The following RCBTB2 variants were observed in gnomAD, a reference collection of about 807,000 sequenced individuals.
The protein encoded by RCBTB2 is RCC1 and BTB domain containing protein 2, also known as RCC1 and BTB domain-containing protein 2.
In RCBTB2, 55 loss-of-function variants were observed where a neutral mutation model predicts 65.4. The ratio of observed to expected loss-of-function variants is 0.84; its 90% CI spans 0.68 to 1.05. RCBTB2 has a LOEUF of 1.05. RCBTB2 is among the 50% of genes least tolerant of loss of function. The pLI is 0.00. For missense variants in RCBTB2, 599 were observed against 680.1 expected (o/e 0.88, Z 1.33); for synonymous variants, 220 against 255.2 (o/e 0.86, Z 1.31).
upstream of RCBTB2, among the ~76,000 whole-genome samples, chr13:48,534,361 G>C (rs1414251076): frequency 6.6e-6 from 1 of 152,052 alleles, no homozygotes; most frequent in Non-Finnish European, 1.5e-5. Flanking sequence ...GTGCCAAGAG[G>C]TTTATCTTAT....
intron 1 of RCBTB2, among the ~76,000 whole-genome samples, chr13:48,527,332 T>TATGATATATATATATATATATATC (rs1555310618): frequency 7.7e-6 from 1 of 130,458 alleles, no homozygotes; most frequent in African/African-American, 4.0e-5. Flanking sequence ...TATATATATA[T>TATGATATATATATATATATATATC]ATATGATATA....
In RCBTB2 at chr13:48,520,821, C is replaced by G. The variant is rs9331971; in HGVS notation, c.42+1077G>C. On this transcript the variant is annotated intron_variant, in intron 4 of 14. Transcript: ENST00000344532. The stretch of plus-strand genomic sequence containing the variant: ...GTATATTTAAAGAGAATCAAAATTA[C>G]GTTAGGCATACCTAGCAAAAAAGAG... Among the ~76,000 whole-genome samples the G allele has an allele frequency of 1.8e-3, 270 of 151,074 alleles. 1 individual carries two copies. The highest frequency in any genetic ancestry group is 6.2e-3 in the African/African-American group (256 of 41,414).
intron 10 of RCBTB2, chr13:48,504,535 C>T (rs9332036): frequency 0.067 from 10,600 of 158,652 alleles, 882 homozygotes; most frequent in African/African-American, 0.19. Flanking sequence ...CTCCCGCTCA[C>T]CTGAGCTCCT....
intron 14 of RCBTB2, chr13:48,492,620 T>G (rs1949744558): frequency 6.6e-6 from 1 of 152,352 alleles, no homozygotes; most frequent in Non-Finnish European, 1.5e-5. Context: ...ACTCGTCAGT[T>G]CTCAGTCCTC....
rs1950735299 is a variant in RCBTB2 at position 48,510,685 on chromosome 13, G to T, written c.870C>A (p.Gly290=). Residue 290 remains glycine, a synonymous_variant, in exon 10 of 15, where the codon GGC becomes GGA. Transcript: ENST00000344532. ...AWGANSYGQL[G]TGNKSNQSYP... is the part of the protein sequence containing the mutation. Reference sequence around the variant, plus strand: ...AGGACTGGTTGCTTTTATTGCCAGTGCCCAACTGCCCATAAGAATTGGCGC... The same window carrying T: ...AGGACTGGTTGCTTTTATTGCCAGTTCCCAACTGCCCATAAGAATTGGCGC... The T allele has an allele frequency of 6.2e-7, 1 of 1,613,984 alleles. No homozygotes were observed. Among genetic ancestry groups the T allele is most frequent in the South Asian group, 1.1e-5 (1 of 91,080 alleles).
chr13:48,514,845 C>G (rs1950994199), intron 6 of RCBTB2, among the ~76,000 whole-genome samples: 2 of 151,646 alleles, frequency 1.3e-5, no homozygotes. Flanking sequence ...CCATCAGTCA[C>G]TCTTTAGTGT....
chr13:48,522,005 G>A (rs1021702292), intron 3 of RCBTB2, 43 bp from the exon 4 acceptor site: 29 of 1,534,192 alleles, frequency 1.9e-5, no homozygotes, highest in African/African-American at 4.1e-5. Context: ...CCTTATGTTC[G>A]ATGGAACCAG....
intron 14 of RCBTB2, among the ~76,000 whole-genome samples, chr13:48,495,604 G>A (rs1052100997): frequency 6.6e-6 from 1 of 152,144 alleles, no homozygotes; most frequent in African/African-American, 2.4e-5. Context: ...TGAATTCCTT[G>A]AAGAATTATG....
chr13:48,512,162 C>G lies in RCBTB2; in HGVS notation c.529G>C (p.Gly177Arg), dbSNP rs1302739667. 6.2e-7 allele frequency: 1 copy of G among 1,613,156 alleles called. No individual in the cohort carries two copies. Among genetic ancestry groups the G allele is most frequent in the African/African-American group, 1.3e-5 (1 of 74,994 alleles). ...CCTACCTGCCCAGAGTTATTATAAC[C>G]CCAGGCAAATACCTGTTTAAAGGAA... The part of the protein sequence containing the change: ...LTSDGEVFAW[G>R]YNNSGQVGSG... Residue 177 changes from glycine (G) to arginine (R), a missense_variant, in exon 8 of 15, where the codon GGT (glycine) becomes CGT (arginine). Gly to Arg is a moderately radical substitution (Grantham distance 125). Transcript: ENST00000344532.
At chr13:48,529,295 T>TA (rs1200172990) in intron 1 of RCBTB2, among the ~76,000 whole-genome samples, 2 of 152,202 alleles carry the variant, frequency 1.3e-5, no homozygotes, top group African/African-American at 4.8e-5. Flanking sequence ...TCCTAATTGT[T>TA]AAAGATCTTT....
At chr13:48,512,942 A>C (rs1260966504) in intron 6 of RCBTB2, 47 bp from the exon 7 acceptor site, 3 of 1,498,890 alleles carry the variant, frequency 2.0e-6, no homozygotes, top group Non-Finnish European at 2.7e-6. Flanking sequence ...CATCTACTTC[A>C]TTATACGAAA....
chr13:48,533,624 G>A (rs1226513275), upstream of RCBTB2, among the ~76,000 whole-genome samples: 1 of 152,152 alleles, frequency 6.6e-6, no homozygotes, highest in African/African-American at 2.4e-5. Context: ...GGGGTTCAGG[G>A]GGATGACCTC....
chr13:48,519,495 TA>T (rs1951297987), intron 4 of RCBTB2, among the ~76,000 whole-genome samples: 1 of 152,196 alleles, frequency 6.6e-6, no homozygotes, highest in African/African-American at 2.4e-5. Flanking sequence ...CCCACCTGTA[TA>T]AAAACCTATG....
At chr13:48,503,007 C>A in intron 10 of RCBTB2, 93 bp from the exon 11 acceptor site, 1 of 1,298,994 alleles carries the variant, frequency 7.7e-7, no homozygotes, top group South Asian at 1.7e-5. Flanking sequence ...TGTGGGACAT[C>A]ATAAAATTAC....
intron 1 of RCBTB2, among the ~76,000 whole-genome samples, chr13:48,525,595 A>G (rs1218115706): frequency 2.0e-5 from 3 of 151,716 alleles, no homozygotes; most frequent in Non-Finnish European, 4.4e-5. Context: ...TCAGCCCACT[A>G]ATTTCCAGAT....
upstream of RCBTB2, chr13:48,535,640 C>T: frequency 2.2e-6 from 1 of 456,522 alleles, no homozygotes; most frequent in Non-Finnish European, 4.4e-6. Context: ...TCACCAATGA[C>T]CTCAGAATTG....
At chr13:48,517,503 T>C (rs7990414) in intron 4 of RCBTB2, among the ~76,000 whole-genome samples, 3,093 of 152,318 alleles carry the variant, frequency 0.02, 109 homozygotes, top group African/African-American at 0.071. Context: ...CTCAAACTTT[T>C]AAGTTTCCTT....
chr13:48,499,514 A>C, intron 13 of RCBTB2, 107 bp downstream of exon 13: 1 of 1,172,536 alleles, frequency 8.5e-7, no homozygotes, highest in Non-Finnish European at 1.2e-6. Context: ...CACAAAAAGA[A>C]ATACTTCTGT....
At chr13:48,502,983 C>A in intron 10 of RCBTB2, 69 bp from the exon 11 acceptor site, 1 of 1,414,994 alleles carries the variant, frequency 7.1e-7, no homozygotes, top group Non-Finnish European at 9.4e-7. Context: ...CCTCCTCCCG[C>A]CAGGTTTAAC....
Sources: allele counts gnomAD v4.1 joint callset (sites outside exome capture counted in the v4.1 genomes callset), GRCh38; gene constraint gnomAD v4.1.1; transcripts MANE v1.5; gene names NCBI Gene and HGNC (gene_info 2026-07-23, HGNC 2026-07-21).